MMP16: variants seen among roughly 807,000 people sequenced by gnomAD.
The protein encoded by MMP16 is matrix metallopeptidase 16.
MMP16 carries 12 observed loss-of-function variants against 67.8 expected under a neutral mutation model. The ratio of observed to expected loss-of-function variants is 0.18; its 90% CI spans 0.11 to 0.29. The LOEUF is 0.29. Ranked by LOEUF, MMP16 falls within the 10% of genes least tolerant of loss-of-function variation. MMP16 has a pLI of 1.00. For missense variants in MMP16, 475 were observed against 765.7 expected (o/e 0.62, Z 4.48); for synonymous variants, 249 against 255.9 (o/e 0.97, Z 0.26).
intron 1 of MMP16, among the ~76,000 whole-genome samples, chr8:88,294,315 T>C (rs942187488): frequency 1.3e-5 from 2 of 151,124 alleles, no homozygotes; most frequent in African/African-American, 2.4e-5. Context: ...TATATGTATA[T>C]GTCTATATGT....
At chr8:88,059,426 T>C (rs1443251036) in intron 7 of MMP16, among the ~76,000 whole-genome samples, 1 of 152,128 alleles carries the variant, frequency 6.6e-6, no homozygotes, top group Non-Finnish European at 1.5e-5. Flanking sequence ...GAAAGCCAAC[T>C]AGTATCTATA....
chr8:88,211,283 T>C (rs760379272), intron 1 of MMP16, among the ~76,000 whole-genome samples: 6 of 152,166 alleles, frequency 3.9e-5, no homozygotes, highest in Non-Finnish European at 8.8e-5. Flanking sequence ...AGTGATACTT[T>C]AGAGGTAGAC....
At chr8:88,056,377 C>T (rs1213967055) in intron 7 of MMP16, 99 bp from the exon 8 acceptor site, 2 of 400,992 alleles carry the variant, frequency 5.0e-6, no homozygotes, top group East Asian at 7.0e-5. Context: ...ACATATTATA[C>T]ATTTAAAATT....
intron 3 of MMP16, among the ~76,000 whole-genome samples, chr8:88,170,671 ATGG>A (rs1808785202): frequency 6.6e-6 from 1 of 152,130 alleles, no homozygotes; most frequent in South Asian, 2.1e-4. Context: ...ATAATTTCAG[ATGG>A]TGAGGGGGTG....
At chr8:88,240,807 C>A (rs143829029) in intron 1 of MMP16, among the ~76,000 whole-genome samples, 1 of 152,118 alleles carries the variant, frequency 6.6e-6, no homozygotes, top group Non-Finnish European at 1.5e-5. Context: ...CCTATTCATG[C>A]ATGCTTTCTA....
intron 4 of MMP16, among the ~76,000 whole-genome samples, chr8:88,157,703 G>C (rs1041661825): frequency 4.6e-5 from 7 of 151,948 alleles, no homozygotes; most frequent in Admixed American, 2.0e-4. Flanking sequence ...TTAAGTTCTA[G>C]GGTACATGTG....
rs59990328 is a variant in MMP16 at position 88,317,095 on chromosome 8, T to C, written c.132+9980A>G. Among the ~76,000 whole-genome samples, 474 of 152,282 alleles carry C rather than the reference T, an allele frequency of 3.1e-3. 3 individuals are homozygous for C. The highest frequency in any genetic ancestry group is 0.011 in the African/African-American group (437 of 41,554). On this transcript the variant is annotated intron_variant, in intron 1 of 9. Coordinates refer to ENST00000286614, the MANE Select transcript of MMP16 (RefSeq NM_005941.5). ...CCTCGTGAAGAAGCTATGAACACTG[T>C]TGAAATGAAAACAAAGGATTTAGAA...
intron 3 of MMP16, among the ~76,000 whole-genome samples, chr8:88,170,048 T>C (rs1350783337): frequency 6.6e-6 from 1 of 152,140 alleles, no homozygotes; most frequent in Non-Finnish European, 1.5e-5. Context: ...TTGGACCAGG[T>C]TGGTACCAGT....
intron 4 of MMP16, among the ~76,000 whole-genome samples, chr8:88,165,581 T>C (rs1808699019): frequency 6.6e-6 from 1 of 152,082 alleles, no homozygotes; most frequent in South Asian, 2.1e-4. Flanking sequence ...CTTGAAGAAG[T>C]CTGAATTATT....
chr8:88,063,174 A>G (rs1156976340), intron 7 of MMP16, among the ~76,000 whole-genome samples: 3 of 152,126 alleles, frequency 2.0e-5, no homozygotes, highest in Non-Finnish European at 4.4e-5. Flanking sequence ...TTTATAGATC[A>G]TCTATTGCAG....
At chr8:88,271,962 G>A (rs1810570838) in intron 1 of MMP16, among the ~76,000 whole-genome samples, 1 of 152,206 alleles carries the variant, frequency 6.6e-6, no homozygotes, top group Admixed American at 6.5e-5. Context: ...CAATTTACCA[G>A]CTAAGAGATA....
At chr8:88,051,911 G>T (rs1298618560) in intron 8 of MMP16, among the ~76,000 whole-genome samples, 5 of 152,092 alleles carry the variant, frequency 3.3e-5, no homozygotes, top group African/African-American at 9.7e-5. Flanking sequence ...CCAAATTGTA[G>T]TGTATTAACA....
At chr8:88,107,392 GA>G (rs1226130265) in intron 6 of MMP16, among the ~76,000 whole-genome samples, 5 of 150,908 alleles carry the variant, frequency 3.3e-5, no homozygotes, top group African/African-American at 4.8e-5. Flanking sequence ...ATAATCAGGG[GA>G]AAGTAATTTT....
At chr8:88,265,769 C>T (rs1286314423) in intron 1 of MMP16, among the ~76,000 whole-genome samples, 1 of 152,020 alleles carries the variant, frequency 6.6e-6, no homozygotes, top group East Asian at 1.9e-4. Flanking sequence ...GTAACTAGAA[C>T]AAAAAACTGA....
intron 6 of MMP16, among the ~76,000 whole-genome samples, chr8:88,076,646 AAT>A (rs1447828388): frequency 2.0e-5 from 3 of 152,164 alleles, no homozygotes; most frequent in Non-Finnish European, 4.4e-5. Context: ...CTGCAAATAA[AAT>A]ATGTCGGTGA....
At chr8:88,284,614 A>T (rs1810793947) in intron 1 of MMP16, among the ~76,000 whole-genome samples, 1 of 152,026 alleles carries the variant, frequency 6.6e-6, no homozygotes, top group Admixed American at 6.6e-5. Context: ...AAGTGCTGGG[A>T]AGCACCTCTC....
In MMP16 at chr8:88,123,445, G is replaced by T. The variant is rs1563538526; in HGVS notation, c.710-4584C>A. ...ATCTGAAAAACTTGATACTTTTGTT[G>T]TACCTATGCTATTACTCTCTTTGCA... On this transcript the variant is annotated intron_variant, in intron 4 of 9. Transcript: ENST00000286614. Among the ~76,000 whole-genome samples the T allele has an allele frequency of 2.0e-5, 3 of 150,910 alleles. No homozygotes were observed. In the South Asian group the frequency reaches 6.3e-4, roughly 32 times the overall value.
At position 88,034,325 on chromosome 8, in the gene MMP16, T is replaced by C. The variant is rs1808026246; in HGVS notation, c.*7136A>G. 1 of 152,002 alleles carries C rather than the reference T, an allele frequency of 6.6e-6. No homozygotes were observed. Among genetic ancestry groups the C allele is most frequent in the Non-Finnish European group, 1.5e-5 (1 of 67,908 alleles). The allele number at this position is 152,002 out of a possible 1,614,324, so 9.4% of individuals were successfully genotyped here. On this transcript the variant is annotated 3_prime_UTR_variant, in exon 10 of 10. Transcript: ENST00000286614. ...ATAGGACAACTCAATAAGATGTATC[T>C]TTCCCAACCATCTGTATTTTTGGGT...
At chr8:88,274,144 C>T (rs956124247) in intron 1 of MMP16, among the ~76,000 whole-genome samples, 4 of 151,870 alleles carry the variant, frequency 2.6e-5, no homozygotes, top group Non-Finnish European at 2.9e-5. Flanking sequence ...AGATTTATGA[C>T]GATGAATTTA....
Sources: gnomAD v4.1 joint callset for allele counts (sites outside exome capture counted in the v4.1 genomes callset) on GRCh38, gnomAD v4.1.1 for gene constraint, MANE v1.5 for transcripts, NCBI Gene and HGNC (gene_info 2026-07-23, HGNC 2026-07-21) for gene names.